The following RHOU variants were observed in gnomAD, a reference collection of about 807,000 sequenced individuals.
RHOU encodes the protein rho-related GTP-binding protein RhoU.
RHOU carries 8 observed loss-of-function variants against 12.6 expected under a neutral mutation model. That is an observed-to-expected ratio of 0.64 (90% CI 0.37 to 1.15). The LOEUF is 1.15. Ranked by LOEUF, RHOU falls within the 50% of genes most tolerant of loss-of-function variation. The pLI, the probability that RHOU is intolerant of heterozygous loss-of-function variation, is 0.01. For synonymous variants in RHOU, 161 were observed against 147.4 expected (o/e 1.09, Z -0.67); for missense variants, 258 against 347.0 (o/e 0.74, Z 2.04).
At chr1:228,654,508 C>G in the RHOU span, among the ~76,000 whole-genome samples, 1 of 152,278 alleles carries the variant, frequency 6.6e-6, no homozygotes. Context: ...AACTGCAAAC[C>G]AGAACAAGAA....
chr1:228,688,714 A>T, the RHOU span, among the ~76,000 whole-genome samples: 1 of 152,146 alleles, frequency 6.6e-6, no homozygotes, highest in South Asian at 2.1e-4. Context: ...AAACACCAAG[A>T]AGTCCCAGGA....
chr1:228,648,806 T>C, the RHOU span, among the ~76,000 whole-genome samples: 1 of 152,174 alleles, frequency 6.6e-6, no homozygotes, highest in Non-Finnish European at 1.5e-5. Context: ...GAATTATTGC[T>C]TTTCATATAG....
the RHOU span, among the ~76,000 whole-genome samples, chr1:228,686,906 A>AT: frequency 6.6e-6 from 1 of 151,860 alleles, no homozygotes; most frequent in Non-Finnish European, 1.5e-5. Flanking sequence ...CATCTAGCTG[A>AT]TTTTTGTATT....
chr1:228,703,301 C>T, the RHOU span, among the ~76,000 whole-genome samples: 2,683 of 152,070 alleles, frequency 0.018, 47 homozygotes, highest in Middle Eastern at 0.041. Flanking sequence ...CCGAGGCGCG[C>T]GGATCATGAG....
the RHOU span, among the ~76,000 whole-genome samples, chr1:228,668,372 G>C: frequency 3.3e-5 from 5 of 152,196 alleles, no homozygotes; most frequent in Non-Finnish European, 7.3e-5. Context: ...CCAATTTATA[G>C]CCAGTTGATG....
chr1:228,687,916 C>T, the RHOU span: 1 of 747,992 alleles, frequency 1.3e-6, no homozygotes, highest in Non-Finnish European at 2.4e-6. Context: ...TCCCCCTCTC[C>T]CTCCTCTGCT....
At chr1:228,674,346 C>CT in the RHOU span, among the ~76,000 whole-genome samples, 5,317 of 135,932 alleles carry the variant, frequency 0.039, 157 homozygotes, top group Middle Eastern at 0.073. Context: ...TGTTTAGTAC[C>CT]TTTTTTTTTT....
At chr1:228,664,964 TTAAC>T in the RHOU span, among the ~76,000 whole-genome samples, 2 of 152,210 alleles carry the variant, frequency 1.3e-5, no homozygotes, top group African/African-American at 2.4e-5. Context: ...CCAAGCTTTA[TTAAC>T]TAACATTTGT....
At chr1:228,687,465 A>T in the RHOU span, 1 of 1,550,588 alleles carries the variant, frequency 6.4e-7, no homozygotes, top group Non-Finnish European at 8.8e-7. Flanking sequence ...TCATGAGGAG[A>T]GGGAACATGC....
the RHOU span, chr1:228,687,520 TC>T: frequency 1.9e-6 from 3 of 1,580,712 alleles, no homozygotes; most frequent in Non-Finnish European, 2.6e-6. Flanking sequence ...GGCCGAATCT[TC>T]CTTCAGGATA....
chr1:228,680,461 A>G, the RHOU span, among the ~76,000 whole-genome samples: 9 of 152,076 alleles, frequency 5.9e-5, no homozygotes, highest in Non-Finnish European at 1.0e-4. Flanking sequence ...GATGTTCTGA[A>G]GTTTTTTTGT....
chr1:228,653,421 G>A, the RHOU span, among the ~76,000 whole-genome samples: 2 of 152,206 alleles, frequency 1.3e-5, no homozygotes, highest in Non-Finnish European at 2.9e-5. Flanking sequence ...CCATGTTCAA[G>A]TGATTCTCCT....
At chr1:228,663,390 G>A in the RHOU span, among the ~76,000 whole-genome samples, 4 of 152,002 alleles carry the variant, frequency 2.6e-5, no homozygotes, top group Non-Finnish European at 5.9e-5. Context: ...ACTGTAACAA[G>A]AGAATACAAT....
chr1:228,707,830 G>A, the RHOU span, among the ~76,000 whole-genome samples: 4 of 152,186 alleles, frequency 2.6e-5, no homozygotes, highest in African/African-American at 9.6e-5. Context: ...CAAGCTGAGA[G>A]AAGAAGGCTT....
the RHOU span, among the ~76,000 whole-genome samples, chr1:228,730,460 TGCTGGGCACC>T: frequency 6.6e-6 from 1 of 152,182 alleles, no homozygotes; most frequent in Non-Finnish European, 1.5e-5. Context: ...AGTGAGGATG[TGCTGGGCACC>T]GCTGTGTCCA....
chr1:228,666,526 T>A, the RHOU span, among the ~76,000 whole-genome samples: 1 of 152,178 alleles, frequency 6.6e-6, no homozygotes, highest in Non-Finnish European at 1.5e-5. Context: ...TAGAACTAAT[T>A]CCCCTTACCT....
At chr1:228,653,701 C>T in the RHOU span, among the ~76,000 whole-genome samples, 1 of 152,174 alleles carries the variant, frequency 6.6e-6, no homozygotes, top group Non-Finnish European at 1.5e-5. Flanking sequence ...AGCAATCCTC[C>T]CACCTTGGTC....
At chr1:228,731,574 A>G (rs1047926872), upstream of RHOU, among the ~76,000 whole-genome samples, 4 of 152,228 alleles carry the variant, frequency 2.6e-5, no homozygotes, top group African/African-American at 9.7e-5. Flanking sequence ...GGACTTCATT[A>G]AGAAAAAGAA....
chr1:228,671,887 A>G, the RHOU span, among the ~76,000 whole-genome samples: 1 of 152,176 alleles, frequency 6.6e-6, no homozygotes, highest in Non-Finnish European at 1.5e-5. Flanking sequence ...TCAAAATAAT[A>G]TAGATCTTGT....
Sources: allele counts gnomAD v4.1 joint callset (sites outside exome capture counted in the v4.1 genomes callset), GRCh38; gene constraint gnomAD v4.1.1; transcripts MANE v1.5; gene names NCBI Gene and HGNC (gene_info 2026-07-23, HGNC 2026-07-21).